Variants in SART1 observed in about 807,000 individuals in gnomAD.
SART1 encodes spliceosome associated factor 1, recruiter of U4/U6.U5 tri-snRNP.
In SART1, 28 loss-of-function variants were observed where a neutral mutation model predicts 105.0. That is an observed-to-expected ratio of 0.27 (90% confidence interval 0.20 to 0.37). The LOEUF is 0.37. SART1 is among the 10% of genes least tolerant of loss of function. The pLI is 1.00. For missense variants in SART1, 894 were observed against 1,106.5 expected (o/e 0.81, Z 2.72); for synonymous variants, 472 against 462.9 (o/e 1.02, Z -0.25).
intron 12 of SART1, among the ~76,000 whole-genome samples, chr11:65,972,901 A>G (rs61893937): frequency 0.052 from 7,867 of 152,164 alleles, 241 homozygotes; most frequent in Non-Finnish European, 0.066. Flanking sequence ...GCCGGGCGCG[A>G]TGGCTCACGC....
rs755607720 is a variant in SART1 at position 65,961,746 on chromosome 11, T to A, written c.-35T>A. The A allele has an allele frequency of 5.5e-6, 8 of 1,465,226 alleles. No homozygotes were observed. Among genetic ancestry groups the A allele is most frequent in the Non-Finnish European group, 5.4e-6 (6 of 1,113,596 alleles). 90.8% of individuals were successfully genotyped at this position (1,465,226 alleles called of 1,614,324 possible). On this transcript the variant is annotated 5_prime_UTR_variant, in exon 1 of 20. Transcript: ENST00000312397. ...TATTCCCATTTTGCGTTGTCTGGGC[T>A]CGGCGGCAGCCGGGCTCGGAGTGGA...
At chr11:65,973,375 G>A (rs1466876166) in intron 12 of SART1, among the ~76,000 whole-genome samples, 1 of 151,986 alleles carries the variant, frequency 6.6e-6, no homozygotes, top group Non-Finnish European at 1.5e-5. Flanking sequence ...GATAAGACAG[G>A]CAGTTCACAG....
chr11:65,963,791 TG>T (rs1486872387), intron 1 of SART1, among the ~76,000 whole-genome samples: 2 of 152,288 alleles, frequency 1.3e-5, no homozygotes, highest in Admixed American at 1.3e-4. Context: ...AGACCTTGTC[TG>T]TTAAAAATGA....
At chr11:65,964,607 AG>A (rs775749014) in intron 3 of SART1, 37 bp downstream of exon 3, 9 of 1,588,258 alleles carry the variant, frequency 5.7e-6, no homozygotes, top group Non-Finnish European at 5.1e-6. Flanking sequence ...TGGGGGAAAG[AG>A]GCCATCTGAA....
intron 2 of SART1, 129 bp from the exon 3 acceptor site, chr11:65,964,386 G>A: frequency 8.7e-7 from 1 of 1,145,598 alleles, no homozygotes. Context: ...CAGTGTCCTA[G>A]GCTGCCTGGG....
At chr11:65,969,053 G>A (rs184041967) in intron 12 of SART1, among the ~76,000 whole-genome samples, 14 of 152,300 alleles carry the variant, frequency 9.2e-5, no homozygotes, top group African/African-American at 3.4e-4. Flanking sequence ...ATACTACTGG[G>A]AGGCAAAGTG....
chr11:65,966,100 T>C lies in SART1; in HGVS notation c.863T>C (p.Val288Ala). The change falls in exon 8 of 20, where the codon GTG (valine) becomes GCG (alanine). Residue 288 changes from valine to alanine, a missense_variant. By Grantham distance (64) the Val-to-Ala change is moderately conservative. This residue lies in a region of SART1 where 712 missense variants were observed against 778.2 expected (regional missense o/e 0.91). Coordinates refer to ENST00000312397, the MANE Select transcript of SART1 (RefSeq NM_005146.5). ...DKGVLQEEED[V>A]LVNVNLVDKE... is the part of the protein sequence containing the mutation. ...GGCGTGCTGCAGGAGGAGGAGGACG[T>C]GCTGGTGAACGTGAACCTGGTGGAT... The C allele has an allele frequency of 6.2e-7, 1 of 1,613,956 alleles. No homozygotes were observed. The highest frequency in any genetic ancestry group is 1.1e-5 in the South Asian group (1 of 91,084).
Position 65,978,045 on chromosome 11 carries a change from G to A in SART1, c.2172+146G>A, listed in dbSNP as rs1855520213. 7 of 838,318 alleles carry A rather than the reference G, an allele frequency of 8.4e-6. No individual in the cohort carries two copies. Among genetic ancestry groups the A allele is most frequent in the South Asian group, 1.8e-5 (1 of 56,348 alleles). The allele number at this position is 838,318 out of a possible 1,614,324, so 51.9% of individuals were successfully genotyped here. A position where few individuals can be genotyped will look rare whatever the true frequency, so the allele number is the denominator to read the frequency against. On this transcript the variant is annotated intron_variant, in intron 17 of 19. Coordinates refer to ENST00000312397, the MANE Select transcript of SART1 (RefSeq NM_005146.5). This position sits in a 1 kb window ranked among gnomAD's most constrained non-coding sequence, Gnocchi z 6.8. The stretch of plus-strand genomic sequence containing the variant: ...GGGCCTGGTGAATGCCACGGATGGG[G>A]AGGGGGCCCTCAGGGCTGAGGAAGG...
In SART1 at chr11:65,964,580, G is replaced by A; in HGVS notation, c.427+10G>A. On this transcript the variant is annotated intron_variant, in intron 3 of 19. Coordinates refer to ENST00000312397, the MANE Select transcript of SART1 (RefSeq NM_005146.5). ...AATGCCATCAAGAAGGGTGAGTATG[G>A]GGCTGAGGATAGGGTTTGGGGGAAA... 6.2e-7 allele frequency: 1 copy of A among 1,602,660 alleles called. No individual in the cohort carries two copies. The highest frequency in any genetic ancestry group is 8.5e-7 in the Non-Finnish European group (1 of 1,177,146).
chr11:65,977,777 A>G lies in SART1; in HGVS notation c.2050A>G (p.Lys684Glu), dbSNP rs1279102564. ...GTCTCGGGCCAGGGCCATCGATGAC[A>G]AGTACAGCCGGAGGGAGGAATACCG... ...CIEDKMAIDD[K>E]YSRREEYRGF... is the part of the protein sequence containing the mutation. Residue 684 changes from lysine (K) to glutamate (E), a missense_variant, in exon 17 of 20, where the codon AAG becomes GAG. Transcript: ENST00000312397. 5 of 1,614,002 alleles carry G rather than the reference A, an allele frequency of 3.1e-6. No individual in the cohort carries two copies. The highest frequency in any genetic ancestry group is 1.1e-5 in the South Asian group (1 of 91,082).
intron 12 of SART1, 22 bp downstream of exon 12, chr11:65,967,843 GTGACTGCGTCAGCAGTCACC>G: frequency 6.7e-7 from 1 of 1,487,720 alleles, no homozygotes; most frequent in Non-Finnish European, 9.0e-7. Context: ...CATGGGCAGG[GTGACTGCGTCAGCAGTCACC>G]TGTCCTCACG....
rs1363760868 is a variant in SART1 at position 65,961,847 on chromosome 11, G to C, written c.67G>C (p.Gly23Arg). The C allele has an allele frequency of 6.4e-7, 1 of 1,573,460 alleles. No individual in the cohort carries two copies. Among genetic ancestry groups the C allele is most frequent in the Middle Eastern group, 1.7e-4 (1 of 5,770 alleles). The change falls in exon 1 of 20, where the codon GGG becomes CGG. Residue 23 changes from glycine (G) to arginine (R), a missense_variant. Physicochemically the swap from Gly to Arg is moderately radical, Grantham distance 125 (BLOSUM62 -2). Transcript: ENST00000312397. Reference sequence around the variant, plus strand: ...CGGGACGACGGCGGCGGCCGGCACCGGGGGTGCCACCGAGCAGCCGCCGCG... The same window carrying C: ...CGGGACGACGGCGGCGGCCGGCACCCGGGGTGCCACCGAGCAGCCGCCGCG... Reference protein sequence around the residue: ...AAGTTAAAGTGGATEQPPRHR... With the variant: ...AAGTTAAAGTRGATEQPPRHR...
chr11:65,978,431 C>T lies in SART1; in HGVS notation c.2173-169C>T. ...GCTGGTCTCCCGGCCTCTGCTGGGG[C>T]CCTGCAGGGTGCCAGCGTCTGTGCT... On this transcript the variant is annotated intron_variant, in intron 17 of 19. Transcript: ENST00000312397. This position sits in a 1 kb window ranked among gnomAD's most constrained non-coding sequence, Gnocchi z 6.8. 3.1e-6 allele frequency: 2 copies of T among 653,690 alleles called. No homozygotes were observed. Among genetic ancestry groups the T allele is most frequent in the Admixed American group, 2.4e-5 (1 of 41,730 alleles). 40.5% of individuals were successfully genotyped at this position (653,690 alleles called of 1,614,324 possible).
In SART1 at chr11:65,977,559, C is replaced by G; in HGVS notation, c.1946-4C>G. 1 of 1,613,524 alleles carries G rather than the reference C, an allele frequency of 6.2e-7. No homozygotes were observed. On this transcript the variant is annotated splice_polypyrimidine_tract_variant and splice_region_variant and intron_variant, in intron 15 of 19. Coordinates refer to ENST00000312397, the MANE Select transcript of SART1 (RefSeq NM_005146.5). Reference sequence around the variant, plus strand: ...TGGGAGTCTCACAACCCCTCCATCCCTAGGGCTGCTGGAGACCACAGTGCA... The same window carrying G: ...TGGGAGTCTCACAACCCCTCCATCCGTAGGGCTGCTGGAGACCACAGTGCA...
chr11:65,977,181 C>T (rs1855500118), intron 15 of SART1, 80 bp downstream of exon 15: 2 of 1,011,400 alleles, frequency 2.0e-6, no homozygotes, highest in South Asian at 1.3e-5. Flanking sequence ...CCGGTCCCCT[C>T]TGCTGCCCCT....
At chr11:65,972,269 A>G (rs1439199083) in intron 12 of SART1, among the ~76,000 whole-genome samples, 2 of 152,142 alleles carry the variant, frequency 1.3e-5, no homozygotes, top group Non-Finnish European at 2.9e-5. Flanking sequence ...AACAGAACAG[A>G]GAGACCAGAC....
intron 1 of SART1, 144 bp downstream of exon 1, chr11:65,962,237 C>A: frequency 3.1e-6 from 2 of 648,100 alleles, no homozygotes; most frequent in Non-Finnish European, 4.8e-6. Flanking sequence ...AGTCTTTCTA[C>A]GGGATCCCTT....
rs771154780 is a variant in SART1, at chr11:65,967,502, G to C, written c.1345G>C (p.Glu449Gln). The change falls in exon 11 of 20, where the codon GAA (glutamate) becomes CAA (glutamine). Residue 449 changes from glutamate to glutamine, a missense_variant. Around this residue, in one of 2 missense-constraint regions of SART1, gnomAD observed 712 missense variants for 778.2 expected, o/e 0.91. Coordinates refer to ENST00000312397, the MANE Select transcript of SART1 (RefSeq NM_005146.5). ...LRGRGRRRVS[E>Q]VEEEKEPVPQ... ...GGGACGGGGTCGCCGCCGAGTGTCC[G>C]AAGTGGAGGAGGAGAAGGAGCCTGT... The C allele has an allele frequency of 2.2e-5, 35 of 1,613,022 alleles. No homozygotes were observed. Among genetic ancestry groups the C allele is most frequent in the African/African-American group, 2.7e-5 (2 of 74,888 alleles).
In SART1 at chr11:65,979,776, T is replaced by A. The variant is rs1411808895; in HGVS notation, c.*746T>A. 6.6e-6 allele frequency: 1 copy of A among 152,164 alleles called. No homozygotes were observed. Among genetic ancestry groups the A allele is most frequent in the Non-Finnish European group, 1.5e-5 (1 of 68,044 alleles). 9.4% of individuals were successfully genotyped at this position (152,164 alleles called of 1,614,324 possible). On this transcript the variant is annotated 3_prime_UTR_variant, in exon 20 of 20. Transcript: ENST00000312397. ...AGATGGCTCCCACATTTTAAGATTT[T>A]AAAAATGAAACCAAAAAATAAATTG...
Sources: gnomAD v4.1 joint callset for allele counts (sites outside exome capture counted in the v4.1 genomes callset) on GRCh38, gnomAD v4.1.1 for gene constraint, gnomAD v4.1.1 regional missense constraint, Gnocchi (gnomAD v3.1) non-coding constraint, MANE v1.5 for transcripts, NCBI Gene and HGNC (gene_info 2026-07-23, HGNC 2026-07-21) for gene names.